Variants in SH3KBP1 observed in about 807,000 individuals in gnomAD.
SH3KBP1 encodes the protein SH3 domain containing kinase binding protein 1.
A neutral mutation model predicts 50.1 loss-of-function variants in SH3KBP1; 8 were observed. The observed-to-expected ratio is 0.16, with a 90% CI of 0.09 to 0.29. SH3KBP1 has a LOEUF of 0.29. SH3KBP1 is among the 10% of genes least tolerant of loss of function. SH3KBP1 has a pLI of 1.00. For missense variants in SH3KBP1, 377 were observed against 535.2 expected, an observed-to-expected ratio of 0.70 and a Z score of 2.92; for synonymous variants, 227 against 218.6, an observed-to-expected ratio of 1.04 and a Z score of -0.34.
chrX:19,554,559 A>T (rs186131189), intron 13 of SH3KBP1, among the ~76,000 whole-genome samples: 1,080 of 107,441 alleles, frequency 0.01, 19 homozygotes, highest in African/African-American at 0.033. Context: ...GCGCCACCAC[A>T]CCTGGCTAAT....
At chrX:19,542,891 T>A (rs1201039267) in intron 15 of SH3KBP1, among the ~76,000 whole-genome samples, 1 of 111,538 alleles carries the variant, frequency 9.0e-6, no homozygotes, top group Non-Finnish European at 1.9e-5. Context: ...TACAAGCGGC[T>A]AGGCGAAAGG....
At chrX:19,798,812 G>A (rs2066802442) in intron 2 of SH3KBP1, among the ~76,000 whole-genome samples, 1 of 112,286 alleles carries the variant, frequency 8.9e-6, no homozygotes, top group Admixed American at 9.4e-5. Flanking sequence ...TTGCATTTAT[G>A]GCATAGAGTG....
intron 17 of SH3KBP1, among the ~76,000 whole-genome samples, chrX:19,537,136 G>T (rs1027637384): frequency 4.5e-5 from 5 of 111,397 alleles, no homozygotes; most frequent in African/African-American, 1.6e-4. Flanking sequence ...ATGGAGGTGG[G>T]AGAGGGGCTT....
At chrX:19,840,555 G>A (rs1365064357) in intron 1 of SH3KBP1, among the ~76,000 whole-genome samples, 1 of 112,134 alleles carries the variant, frequency 8.9e-6, no homozygotes, top group African/African-American at 3.2e-5. Flanking sequence ...TTGGCAAACA[G>A]GTGGTGAAGA....
intron 2 of SH3KBP1, 108 bp from the exon 3 acceptor site, chrX:19,746,549 C>A: frequency 1.4e-6 from 1 of 713,156 alleles, no homozygotes; most frequent in Non-Finnish European, 2.1e-6. Context: ...GCAATGCCAA[C>A]TTAGCATAAC....
At chrX:19,682,114 C>T (rs978403720) in intron 6 of SH3KBP1, among the ~76,000 whole-genome samples, 1 of 110,208 alleles carries the variant, frequency 9.1e-6, no homozygotes, top group Admixed American at 9.7e-5. Flanking sequence ...TGGAGGAGGA[C>T]GATGAGTTCA....
At chrX:19,866,604 C>T (rs977601416) in intron 1 of SH3KBP1, among the ~76,000 whole-genome samples, 2 of 108,149 alleles carry the variant, frequency 1.8e-5, no homozygotes, top group Admixed American at 9.9e-5. Flanking sequence ...GCAGGAAGAT[C>T]GCTTGAGCCC....
intron 13 of SH3KBP1, among the ~76,000 whole-genome samples, chrX:19,550,650 C>T (rs1458287672): frequency 1.1e-4 from 12 of 111,023 alleles, no homozygotes; most frequent in African/African-American, 3.9e-4. Context: ...TCTCTCTGTC[C>T]AGAGAGAGGC....
chrX:19,697,683 A>G (rs953163391), intron 4 of SH3KBP1, among the ~76,000 whole-genome samples: 2 of 112,182 alleles, frequency 1.8e-5, no homozygotes, highest in African/African-American at 6.5e-5. Flanking sequence ...AGTTGAGCTC[A>G]CTGAGATCTG....
rs943236322 is a variant in SH3KBP1, at chrX:19,741,176, T to G, written c.286+5142A>C. ...TTTTGAATGGAACCCGTCTGAAGGA[T>G]TAAACACACCAGAAATGAACCCACA... On this transcript the variant is annotated intron_variant, in intron 3 of 17. Transcript: ENST00000397821. Among the ~76,000 whole-genome samples, 66 of 112,153 alleles carry G rather than the reference T, an allele frequency of 5.9e-4. No homozygotes were observed. In the Admixed American group the frequency reaches 6.2e-3, roughly 11 times the overall value.
rs1454316851 is a variant in SH3KBP1, at chrX:19,534,333, G to A, written c.*2084C>T. 3 of 110,310 alleles carry A rather than the reference G, an allele frequency of 2.7e-5. No individual in the cohort carries two copies. The highest frequency in any genetic ancestry group is 3.8e-5 in the Non-Finnish European group (2 of 52,886). 9.1% of individuals were successfully genotyped at this position (110,310 alleles called of 1,213,427 possible). Reference sequence around the variant, plus strand: ...CTCTCCTTATACAAAGGAAGCCAATGGCCTCTATGAGGGGGAAGACATCAG... The same window carrying A: ...CTCTCCTTATACAAAGGAAGCCAATAGCCTCTATGAGGGGGAAGACATCAG... On this transcript the variant is annotated 3_prime_UTR_variant, in exon 18 of 18. Coordinates refer to ENST00000397821, the MANE Select transcript of SH3KBP1 (RefSeq NM_031892.3).
intron 2 of SH3KBP1, among the ~76,000 whole-genome samples, chrX:19,756,679 G>A (rs1422691101): frequency 1.8e-5 from 2 of 110,859 alleles, no homozygotes; most frequent in African/African-American, 3.3e-5. Flanking sequence ...AAATATACAC[G>A]TGCAAAACAG....
chrX:19,716,760 G>A (rs936894126), intron 3 of SH3KBP1, among the ~76,000 whole-genome samples: 1 of 111,198 alleles, frequency 9.0e-6, no homozygotes, highest in Non-Finnish European at 1.9e-5. Flanking sequence ...CAGCATGCTG[G>A]CCCCATCTTT....
At chrX:19,618,874 G>A (rs1432798716) in intron 8 of SH3KBP1, among the ~76,000 whole-genome samples, 3 of 108,946 alleles carry the variant, frequency 2.8e-5, no homozygotes, top group African/African-American at 1.0e-4. Context: ...GCTGAGGTAG[G>A]AGGATCACCT....
chrX:19,683,391 A>C, intron 6 of SH3KBP1: 1 of 365,675 alleles, frequency 2.7e-6, no homozygotes, highest in Non-Finnish European at 5.3e-6. Flanking sequence ...GAAAAGGTGC[A>C]CAATTCCTTC....
At position 19,718,124 on chromosome X, in the gene SH3KBP1, T is replaced by A. The variant is rs2063958033; in HGVS notation, c.287-11140A>T. On this transcript the variant is annotated intron_variant, in intron 3 of 17. Transcript: ENST00000397821. The stretch of plus-strand genomic sequence containing the variant: ...AAATCACGTAATATGTATACTATGA[T>A]CCCAATTTTATAAATACACACACAC... Among the ~76,000 whole-genome samples the A allele has an allele frequency of 7.0e-5, 7 of 100,469 alleles. No homozygotes were observed. In the South Asian group the frequency reaches 3.1e-3, roughly 45 times the overall value. 87.2% of individuals were successfully genotyped at this position (100,469 alleles called of 115,157 possible).
chrX:19,614,950 T>C (rs2067561973), intron 8 of SH3KBP1, among the ~76,000 whole-genome samples: 1 of 112,152 alleles, frequency 8.9e-6, no homozygotes, highest in African/African-American at 3.2e-5. Flanking sequence ...AATAGATGAA[T>C]GACCCAATCT....
intron 3 of SH3KBP1, among the ~76,000 whole-genome samples, chrX:19,708,435 G>A (rs1949679885): frequency 8.9e-6 from 1 of 111,922 alleles, no homozygotes; most frequent in African/African-American, 3.3e-5. Context: ...GCAATTCCTA[G>A]ATGCTGATGG....
At chrX:19,784,594 GATTT>G (rs1206615497) in intron 2 of SH3KBP1, among the ~76,000 whole-genome samples, 5 of 110,796 alleles carry the variant, frequency 4.5e-5, no homozygotes, top group African/African-American at 9.9e-5. Context: ...TTCATCATCA[GATTT>G]ATTTTTTATT....
Sources: gnomAD v4.1 joint callset for allele counts (sites outside exome capture counted in the v4.1 genomes callset) on GRCh38, gnomAD v4.1.1 for gene constraint, MANE v1.5 for transcripts, NCBI Gene and HGNC (gene_info 2026-07-23, HGNC 2026-07-21) for gene names.